Variants in SSH1 observed in about 807,000 individuals in gnomAD.
SSH1 encodes slingshot protein phosphatase 1, also known as protein phosphatase Slingshot homolog 1.
Under a neutral mutation model 79.7 loss-of-function variants are expected in SSH1, and 43 were observed. That is an observed-to-expected ratio of 0.54 (90% confidence interval 0.42 to 0.70). The LOEUF is 0.70. Among genes scored for constraint, SSH1 ranks in the 30% least tolerant of loss-of-function variants. The probability of loss-of-function intolerance (pLI) is 0.00; values close to 1 mark genes in which losing one functional copy is unlikely to be tolerated. For missense variants in SSH1, 1,206 were observed against 1,358.8 expected (o/e 0.89, Z 1.77); for synonymous variants, 599 against 538.3 (o/e 1.11, Z -1.56).
chr12:108,835,146 A>G lies in SSH1; in HGVS notation c.111-11785T>C, dbSNP rs141775688. Among the ~76,000 whole-genome samples the G allele has an allele frequency of 3.9e-5, 6 of 152,344 alleles. No homozygotes were observed. The East Asian group carries it at 1.2e-3, about 29-fold the overall frequency. On this transcript the variant is annotated intron_variant, in intron 2 of 14. Coordinates refer to ENST00000326495, the MANE Select transcript of SSH1 (RefSeq NM_018984.4). The stretch of plus-strand genomic sequence containing the variant: ...ACTTCTCTGTCTCAGGATCCCTCTC[A>G]GTGCCCAGAAAACAGTGGACATCAA...
In SSH1 at chr12:108,799,059, CGTGATGCT is replaced by C; in HGVS notation, c.1282_1289del (p.Ser428AlafsTer12). ...GCCTCATAAAGCCCGCGTTGGGGCG[CGTGATGCT>C]GCGCTTCTGCTTTACATAGTTATAT... On this transcript the variant is annotated frameshift_variant, in exon 13 of 15. Coordinates refer to ENST00000326495, the MANE Select transcript of SSH1 (RefSeq NM_018984.4). LOFTEE classifies it high-confidence loss of function. The C allele has an allele frequency of 6.2e-7, 1 of 1,614,136 alleles. No homozygotes were observed. Among genetic ancestry groups the C allele is most frequent in the Non-Finnish European group, 8.5e-7 (1 of 1,180,054 alleles).
chr12:108,807,434 T>C lies in SSH1; in HGVS notation c.731+199A>G, dbSNP rs1399307743. Among the ~76,000 whole-genome samples the C allele has an allele frequency of 1.2e-4, 15 of 128,604 alleles. No individual in the cohort carries two copies. Among genetic ancestry groups the C allele is most frequent in the African/African-American group, 3.5e-4 (12 of 34,422 alleles). 84.4% of individuals were successfully genotyped at this position (128,604 alleles called of 152,430 possible). ...TCATCAGTAATTTTTTTTTTTTTTTTCTTTTTTTTGCATGGGACAGGGGCC... is the reference window on the plus strand; with the variant it reads ...TCATCAGTAATTTTTTTTTTTTTTTCCTTTTTTTTGCATGGGACAGGGGCC... On this transcript the variant is annotated intron_variant, in intron 8 of 14. Coordinates refer to ENST00000326495, the MANE Select transcript of SSH1 (RefSeq NM_018984.4). This position sits in a 1 kb window ranked among gnomAD's most constrained non-coding sequence, Gnocchi z 5.2.
At chr12:108,811,515 C>G in intron 5 of SSH1, 187 bp from the exon 6 acceptor site, 1 of 654,768 alleles carries the variant, frequency 1.5e-6, no homozygotes, top group Non-Finnish European at 2.8e-6. Context: ...GGACACAACT[C>G]CGTAAGTGCT....
At chr12:108,844,328 G>T (rs1394751335) in intron 2 of SSH1, among the ~76,000 whole-genome samples, 1 of 152,158 alleles carries the variant, frequency 6.6e-6, no homozygotes, top group Admixed American at 6.5e-5. Context: ...TGTTCAAGGT[G>T]GGGGCAAATC....
intron 6 of SSH1, among the ~76,000 whole-genome samples, chr12:108,810,145 C>T (rs548847987): frequency 1.3e-5 from 2 of 151,654 alleles, no homozygotes; most frequent in African/African-American, 4.8e-5. Context: ...CATAGGATTG[C>T]ACGGAAAATA....
chr12:108,842,780 C>T (rs1042125903), intron 2 of SSH1, among the ~76,000 whole-genome samples: 1 of 152,126 alleles, frequency 6.6e-6, no homozygotes, highest in Non-Finnish European at 1.5e-5. Flanking sequence ...GTTTTGGAGT[C>T]AATGAGACAT....
chr12:108,811,869 A>T (rs565856173), intron 5 of SSH1, among the ~76,000 whole-genome samples: 1 of 152,318 alleles, frequency 6.6e-6, no homozygotes, highest in Middle Eastern at 3.4e-3. Flanking sequence ...AGGGAAAGAA[A>T]GGGCTTATCG....
At chr12:108,815,584 A>G (rs185149674) in intron 5 of SSH1, among the ~76,000 whole-genome samples, 12 of 152,352 alleles carry the variant, frequency 7.9e-5, no homozygotes, top group African/African-American at 2.6e-4. Context: ...TCAGAACCGT[A>G]CAGATAATGG....
chr12:108,809,278 C>T (rs1417779439), intron 7 of SSH1, among the ~76,000 whole-genome samples: 1 of 151,488 alleles, frequency 6.6e-6, no homozygotes, highest in Non-Finnish European at 1.5e-5. Context: ...ATAGTGAGAC[C>T]CCATCTCTAC....
chr12:108,812,496 A>T (rs1027326378), intron 5 of SSH1, among the ~76,000 whole-genome samples: 2 of 152,236 alleles, frequency 1.3e-5, no homozygotes, highest in African/African-American at 4.8e-5. Flanking sequence ...AGAGCACAGG[A>T]CGGGGGCAGG....
intron 5 of SSH1, among the ~76,000 whole-genome samples, chr12:108,811,785 C>T (rs957121655): frequency 2.6e-5 from 4 of 152,202 alleles, no homozygotes; most frequent in African/African-American, 9.7e-5. Flanking sequence ...CTCGCTTAAT[C>T]TGGTTTTGTT....
At position 108,782,690 on chromosome 12, in the gene SSH1, T is replaced by C. The variant is rs540405783; in HGVS notation, c.*5298A>G. On this transcript the variant is annotated 3_prime_UTR_variant, in exon 15 of 15. Transcript: ENST00000326495. The stretch of plus-strand genomic sequence containing the variant: ...GTTTCCTTTTATATAAACTCAGTCA[T>C]CAGGAATTTATAAAGAAAAAGTTTA... 6.6e-6 allele frequency: 1 copy of C among 152,214 alleles called. No individual in the cohort carries two copies. Among genetic ancestry groups the C allele is most frequent in the South Asian group, 2.1e-4 (1 of 4,830 alleles). The allele number at this position is 152,214 out of a possible 1,614,324, so 9.4% of individuals were successfully genotyped here.
intron 5 of SSH1, among the ~76,000 whole-genome samples, chr12:108,815,692 G>T (rs995206421): frequency 6.6e-6 from 1 of 152,184 alleles, no homozygotes; most frequent in Admixed American, 6.5e-5. Flanking sequence ...GCTCTTCAGA[G>T]CTCACATCCG....
intron 2 of SSH1, among the ~76,000 whole-genome samples, chr12:108,837,626 G>A (rs1293408909): frequency 1.3e-5 from 2 of 152,102 alleles, no homozygotes; most frequent in South Asian, 2.1e-4. Context: ...ATTTTTTATC[G>A]ACGTAGTATT....
intron 4 of SSH1, 61 bp downstream of exon 4, chr12:108,818,188 A>C (rs2137160533): frequency 4.7e-5 from 48 of 1,015,494 alleles, no homozygotes; most frequent in Non-Finnish European, 6.6e-5. Context: ...ACAGAGCAAG[A>C]CCCTCATCTC....
At chr12:108,846,730 T>C (rs2137276277) in intron 2 of SSH1, among the ~76,000 whole-genome samples, 1 of 152,352 alleles carries the variant, frequency 6.6e-6, no homozygotes. Context: ...GGAAGGCTGC[T>C]TCAAGTCAAA....
Position 108,780,412 on chromosome 12 carries a change from G to A in SSH1, c.*7576C>T, listed in dbSNP as rs563192752. ...CTAGGGCCTTGAACAAATAAGTATC[G>A]GATGAGTTTTATGAACACACATTGT... On this transcript the variant is annotated 3_prime_UTR_variant, in exon 15 of 15. Transcript: ENST00000326495. 19 of 152,284 alleles carry A rather than the reference G, an allele frequency of 1.2e-4. No homozygotes were observed. The highest frequency in any genetic ancestry group is 2.2e-4 in the Non-Finnish European group (15 of 68,024). The allele number at this position is 152,284 out of a possible 1,614,324, so 9.4% of individuals were successfully genotyped here.
At chr12:108,819,271 G>A (rs2038023190) in intron 3 of SSH1, among the ~76,000 whole-genome samples, 3 of 152,022 alleles carry the variant, frequency 2.0e-5, no homozygotes, top group Non-Finnish European at 4.4e-5. Context: ...AACCAGGGAC[G>A]GCTTCTGAAC....
chr12:108,826,376 C>T, intron 2 of SSH1: 1 of 319,130 alleles, frequency 3.1e-6, no homozygotes, highest in Non-Finnish European at 6.1e-6. Flanking sequence ...CCTCTGTTCC[C>T]CCACGACAAT....
Sources: allele counts gnomAD v4.1 joint callset (sites outside exome capture counted in the v4.1 genomes callset), GRCh38; gene constraint gnomAD v4.1.1; non-coding constraint Gnocchi (gnomAD v3.1); transcripts MANE v1.5; gene names NCBI Gene and HGNC (gene_info 2026-07-23, HGNC 2026-07-21).